Variants in VAV3 observed in about 807,000 individuals in gnomAD.
VAV3 encodes guanine nucleotide exchange factor VAV3.
Under a neutral mutation model 131.2 loss-of-function variants are expected in VAV3, and 94 were observed. The observed-to-expected ratio is 0.72, with a 90% CI of 0.61 to 0.85. VAV3 has a LOEUF of 0.85. Ranked by LOEUF, VAV3 falls within the 40% of genes least tolerant of loss-of-function variation. The probability of loss-of-function intolerance (pLI) is 0.00; values close to 1 mark genes in which losing one functional copy is unlikely to be tolerated. For missense variants in VAV3, 939 were observed against 1,002.7 expected, an observed-to-expected ratio of 0.94 and a Z score of 0.86; for synonymous variants, 349 against 342.0, an observed-to-expected ratio of 1.02 and a Z score of -0.22.
At chr1:107,698,312 C>T (rs1037526156) in intron 17 of VAV3, among the ~76,000 whole-genome samples, 2 of 152,172 alleles carry the variant, frequency 1.3e-5, no homozygotes, top group African/African-American at 4.8e-5. Flanking sequence ...CAATGAGACT[C>T]ACTCATGATG....
chr1:107,934,139 T>A (rs1274464964), intron 1 of VAV3, among the ~76,000 whole-genome samples: 2 of 152,222 alleles, frequency 1.3e-5, no homozygotes, highest in African/African-American at 4.8e-5. Flanking sequence ...ATTCTTATTA[T>A]CTTGGAATTA....
rs149523730 is a variant in VAV3, at chr1:107,766,532, G to A, written c.736C>T (p.Arg246Trp). ...TCATGAATCTCTTGCATTAGGTTCC[G>A]ATGAAGTTTTACAAGTTCCTAAGAA... ...INIPELVKLH[R>W]NLMQEIHDSI... Residue 246 changes from arginine to tryptophan, a missense_variant, in exon 8 of 27, where the codon CGG (arginine) becomes TGG (tryptophan). Transcript: ENST00000370056. 2.1e-4 allele frequency: 335 copies of A among 1,612,914 alleles called. No homozygotes were observed. In the African/African-American group the frequency reaches 2.5e-3, roughly 12 times the overall value.
chr1:107,908,005 A>G (rs11185215), intron 1 of VAV3, among the ~76,000 whole-genome samples: 24,256 of 152,174 alleles, frequency 0.16, 2,032 homozygotes, highest in South Asian at 0.22. Context: ...TAAGTAGCAT[A>G]CGTGTGTTGA....
chr1:107,940,639 T>TGCAGTATATCCCTCATG (rs1673939940), intron 1 of VAV3, among the ~76,000 whole-genome samples: 1 of 152,186 alleles, frequency 6.6e-6, no homozygotes, highest in African/African-American at 2.4e-5. Context: ...CGGAATATTA[T>TGCAGTATATCCCTCATG]TTAGCCTTAG....
In VAV3 at chr1:107,647,135, A is replaced by G. The variant is rs575383175; in HGVS notation, c.1778-4380T>C. Among the ~76,000 whole-genome samples the G allele has an allele frequency of 1.9e-4, 29 of 151,418 alleles. No individual in the cohort carries two copies. In the South Asian group the frequency reaches 5.9e-3, roughly 31 times the overall value. On this transcript the variant is annotated intron_variant, in intron 19 of 26. Coordinates refer to ENST00000370056, the MANE Select transcript of VAV3 (RefSeq NM_006113.5). Reference sequence around the variant, plus strand: ...AAGCAGGGCAAGAAGAGCGATTGCTACAACATAGATTAGTATCTATTCATG... The same window carrying G: ...AAGCAGGGCAAGAAGAGCGATTGCTGCAACATAGATTAGTATCTATTCATG...
At chr1:107,704,935 G>C (rs1435830386) in intron 16 of VAV3, 25 bp downstream of exon 16, 1 of 1,600,462 alleles carries the variant, frequency 6.2e-7, no homozygotes, top group South Asian at 1.1e-5. Flanking sequence ...CCTTTAAACT[G>C]AAAACCAGGA....
chr1:107,871,595 T>A (rs1422858758), intron 2 of VAV3, among the ~76,000 whole-genome samples: 1 of 152,082 alleles, frequency 6.6e-6, no homozygotes, highest in Non-Finnish European at 1.5e-5. Flanking sequence ...AGGAAAGAGC[T>A]CAATTCTAAG....
intron 22 of VAV3, 60 bp from the exon 23 acceptor site, chr1:107,603,223 AAAGT>A: frequency 8.2e-7 from 1 of 1,226,886 alleles, no homozygotes; most frequent in Non-Finnish European, 1.2e-6. Context: ...ACAGAGGCTA[AAAGT>A]AAGTATCTCT....
At chr1:107,853,385 G>A (rs1669315775) in intron 2 of VAV3, among the ~76,000 whole-genome samples, 1 of 152,078 alleles carries the variant, frequency 6.6e-6, no homozygotes, top group Non-Finnish European at 1.5e-5. Flanking sequence ...TACCCTTTAT[G>A]GAGAATAAAA....
chr1:107,638,508 CA>C (rs757041397), intron 20 of VAV3, among the ~76,000 whole-genome samples: 2 of 152,180 alleles, frequency 1.3e-5, no homozygotes, highest in South Asian at 4.1e-4. Context: ...CTGAAAACTG[CA>C]AAACACTTCT....
intron 1 of VAV3, among the ~76,000 whole-genome samples, chr1:107,930,084 G>C (rs975092626): frequency 3.3e-5 from 5 of 151,440 alleles, no homozygotes; most frequent in Non-Finnish European, 7.4e-5. Context: ...ATGGTTAATG[G>C]GTACAAAAAA....
At chr1:107,959,514 G>C (rs918841617) in intron 1 of VAV3, among the ~76,000 whole-genome samples, 1 of 152,040 alleles carries the variant, frequency 6.6e-6, no homozygotes, top group Non-Finnish European at 1.5e-5. Context: ...CACTTGATCA[G>C]CAGCATTTGA....
intron 6 of VAV3, among the ~76,000 whole-genome samples, chr1:107,769,394 T>C (rs906164681): frequency 6.6e-6 from 1 of 152,228 alleles, no homozygotes; most frequent in Non-Finnish European, 1.5e-5. Flanking sequence ...CCTGTAACGC[T>C]ACATAGTGCT....
chr1:107,884,365 T>C (rs956038922), intron 1 of VAV3, among the ~76,000 whole-genome samples: 20 of 150,620 alleles, frequency 1.3e-4, no homozygotes, highest in East Asian at 3.9e-4. Context: ...CCCATAAATA[T>C]ATACACCTAC....
At position 107,766,444 on chromosome 1, in the gene VAV3, T is replaced by G; in HGVS notation, c.821+3A>C. The G allele has an allele frequency of 6.3e-7, 1 of 1,598,998 alleles. No individual in the cohort carries two copies. The highest frequency in any genetic ancestry group is 8.6e-7 in the Non-Finnish European group (1 of 1,168,392). On this transcript the variant is annotated splice_donor_region_variant and intron_variant, in intron 8 of 26. Coordinates refer to ENST00000370056, the MANE Select transcript of VAV3 (RefSeq NM_006113.5). Reference sequence around the variant, plus strand: ...CCCACAAAACTTAAACTTCAAAAGTTACCTTTCCTTGTAGTTAATAAAAAC... The same window carrying G: ...CCCACAAAACTTAAACTTCAAAAGTGACCTTTCCTTGTAGTTAATAAAAAC...
intron 19 of VAV3, among the ~76,000 whole-genome samples, chr1:107,670,718 AT>A (rs1217278601): frequency 2.0e-5 from 3 of 151,954 alleles, no homozygotes; most frequent in Non-Finnish European, 4.4e-5. Context: ...CCAAATAGGG[AT>A]TTTTTTTCCT....
intron 1 of VAV3, among the ~76,000 whole-genome samples, chr1:107,913,502 G>A (rs1166075473): frequency 6.6e-6 from 1 of 152,164 alleles, no homozygotes; most frequent in Non-Finnish European, 1.5e-5. Flanking sequence ...CTTTCCCATA[G>A]CAAGAACTCA....
At chr1:107,852,996 G>GTT (rs1048075103) in intron 2 of VAV3, among the ~76,000 whole-genome samples, 1 of 149,116 alleles carries the variant, frequency 6.7e-6, no homozygotes, top group Admixed American at 6.7e-5. Flanking sequence ...AGGCTTGTAG[G>GTT]TTTTTTTTTT....
At chr1:107,648,260 C>A (rs1394292450) in intron 19 of VAV3, among the ~76,000 whole-genome samples, 1 of 151,956 alleles carries the variant, frequency 6.6e-6, no homozygotes, top group Non-Finnish European at 1.5e-5. Flanking sequence ...ACTTCATAAC[C>A]ACTGACTAGT....
Sources: gnomAD v4.1 joint callset for allele counts (sites outside exome capture counted in the v4.1 genomes callset) on GRCh38, gnomAD v4.1.1 for gene constraint, MANE v1.5 for transcripts, NCBI Gene and HGNC (gene_info 2026-07-23, HGNC 2026-07-21) for gene names.